CASR: variants seen among roughly 807,000 people sequenced by gnomAD.
CASR encodes the protein calcium sensing receptor, also known as extracellular calcium-sensing receptor.
A neutral mutation model predicts 69.1 loss-of-function variants in CASR; 23 were observed. That is an observed-to-expected ratio of 0.33 (90% CI 0.24 to 0.47). CASR has a LOEUF of 0.47. Among genes scored for constraint, CASR ranks in the 20% least tolerant of loss-of-function variants. CASR has a pLI of 1.00. For synonymous variants in CASR, 541 were observed against 544.7 expected (o/e 0.99, Z 0.10); for missense variants, 924 against 1,356.1 (o/e 0.68, Z 5.00).
In CASR at chr3:122,283,324, C is replaced by T. The variant is rs147223758; in HGVS notation, c.1733-363C>T. On this transcript the variant is annotated intron_variant, in intron 6 of 6. Coordinates refer to ENST00000639785, the MANE Select transcript of CASR (RefSeq NM_000388.4). ...ATCAGGCTAAGCTTGAATCATTCTG[C>T]GAAGAGTTGATGGACCATGCTAGAC... Among the ~76,000 whole-genome samples, 6 of 152,278 alleles carry T rather than the reference C, an allele frequency of 3.9e-5. No individual in the cohort carries two copies. In the East Asian group the frequency reaches 7.7e-4, roughly 20 times the overall value.
chr3:122,273,661 TGA>T (rs1288037317), intron 4 of CASR, among the ~76,000 whole-genome samples: 2 of 152,164 alleles, frequency 1.3e-5, no homozygotes, highest in Non-Finnish European at 1.5e-5. Context: ...ACATTTCATC[TGA>T]GTCATGGTAG....
At chr3:122,279,849 T>C (rs973054624) in intron 5 of CASR, among the ~76,000 whole-genome samples, 1 of 152,166 alleles carries the variant, frequency 6.6e-6, no homozygotes, top group Non-Finnish European at 1.5e-5. Context: ...TGCAGGTTTA[T>C]TACATAGGTA....
At chr3:122,192,312 G>A (rs1001487169) in intron 1 of CASR, among the ~76,000 whole-genome samples, 1 of 152,142 alleles carries the variant, frequency 6.6e-6, no homozygotes, top group Admixed American at 6.5e-5. Context: ...TGTACAAAGG[G>A]GACGATAAGA....
At chr3:122,258,983 C>T (rs2074588416) in intron 3 of CASR, among the ~76,000 whole-genome samples, 2 of 151,994 alleles carry the variant, frequency 1.3e-5, no homozygotes, top group African/African-American at 4.8e-5. Flanking sequence ...CCAGCCACGC[C>T]ACCAAGTGGA....
chr3:122,246,144 A>C (rs991933680), intron 1 of CASR, among the ~76,000 whole-genome samples: 3 of 152,130 alleles, frequency 2.0e-5, no homozygotes, highest in African/African-American at 7.2e-5. Context: ...TCTATCTCTA[A>C]AATTCTGTAT....
intron 4 of CASR, among the ~76,000 whole-genome samples, chr3:122,263,476 T>C (rs1204336478): frequency 6.6e-6 from 1 of 152,228 alleles, no homozygotes; most frequent in Non-Finnish European, 1.5e-5. Flanking sequence ...ATTATTATAG[T>C]AGGATTTCAG....
intron 1 of CASR, among the ~76,000 whole-genome samples, chr3:122,189,125 A>C (rs775471378): frequency 3.3e-5 from 5 of 152,234 alleles, no homozygotes; most frequent in Non-Finnish European, 5.9e-5. Flanking sequence ...AGATGGTCAA[A>C]TATGAAATGA....
At chr3:122,202,083 G>A (rs893115137) in intron 1 of CASR, among the ~76,000 whole-genome samples, 1 of 152,084 alleles carries the variant, frequency 6.6e-6, no homozygotes, top group Non-Finnish European at 1.5e-5. Context: ...GGAGGTGGAG[G>A]TTGTAGCGAG....
intron 5 of CASR, among the ~76,000 whole-genome samples, chr3:122,279,998 G>A (rs1275242067): frequency 2.0e-5 from 3 of 152,050 alleles, no homozygotes; most frequent in African/African-American, 7.3e-5. Flanking sequence ...TCCACCCTGT[G>A]TCCATGTGTT....
In CASR at chr3:122,261,615, GC is replaced by G; in HGVS notation, c.582del (p.Thr195LeufsTer62). On this transcript the variant is annotated frameshift_variant, in exon 4 of 7. Transcript: ENST00000639785. LOFTEE classifies it high-confidence loss of function. ...AACCATCCCCAATGATGAGCACCAG[GC>G]CACTGCCATGGCAGACATCATCGAG... ...LRTIPNDEHQ[A>X]TAMADIIEYF... is the part of the protein sequence containing the mutation. 1 of 1,614,160 alleles carries G rather than the reference GC, an allele frequency of 6.2e-7. No individual in the cohort carries two copies. The highest frequency in any genetic ancestry group is 8.5e-7 in the Non-Finnish European group (1 of 1,180,002).
intron 1 of CASR, among the ~76,000 whole-genome samples, chr3:122,235,714 G>A (rs1282589974): frequency 2.0e-5 from 3 of 152,120 alleles, no homozygotes; most frequent in Admixed American, 6.5e-5. Flanking sequence ...GGAGGATCAC[G>A]AGCCCAGGAG....
chr3:122,240,414 G>C (rs540449190), intron 1 of CASR, among the ~76,000 whole-genome samples: 3 of 152,160 alleles, frequency 2.0e-5, no homozygotes, highest in Non-Finnish European at 4.4e-5. Context: ...ATGATTTCAA[G>C]ACAAAAATTG....
rs557580473 is a variant in CASR at position 122,225,264 on chromosome 3, A to G, written c.-242-28684A>G. Among the ~76,000 whole-genome samples the G allele has an allele frequency of 2.0e-5, 3 of 152,262 alleles. No homozygotes were observed. In the East Asian group the frequency reaches 5.8e-4, roughly 29 times the overall value. On this transcript the variant is annotated intron_variant, in intron 1 of 6. Transcript: ENST00000639785. ...TGCTTTCTGCACAGCAAACAAAACT[A>G]TCAACAGAGTAAACAGACAACCTAC...
At chr3:122,195,302 C>T (rs1576814465) in intron 1 of CASR, among the ~76,000 whole-genome samples, 1 of 152,212 alleles carries the variant, frequency 6.6e-6, no homozygotes, top group Non-Finnish European at 1.5e-5. Context: ...TTCAAAAGTG[C>T]TGGTTGTGTT....
intron 6 of CASR, among the ~76,000 whole-genome samples, chr3:122,282,772 T>A (rs2074907963): frequency 6.6e-6 from 1 of 152,272 alleles, no homozygotes; most frequent in South Asian, 2.1e-4. Flanking sequence ...AGAAGTACTC[T>A]ATAAATATTA....
At chr3:122,210,931 C>A (rs1444027133) in intron 1 of CASR, among the ~76,000 whole-genome samples, 1 of 152,172 alleles carries the variant, frequency 6.6e-6, no homozygotes, top group African/African-American at 2.4e-5. Flanking sequence ...AGAAATAAGA[C>A]TGCACATCTA....
intron 1 of CASR, among the ~76,000 whole-genome samples, chr3:122,210,175 C>T (rs1373925651): frequency 6.6e-6 from 1 of 152,108 alleles, no homozygotes; most frequent in East Asian, 1.9e-4. Flanking sequence ...TGAAAATTGG[C>T]ACAAGACAAG....
Position 122,284,481 on chromosome 3 carries a change from G to C in CASR, c.2527G>C (p.Ala843Pro). ...TGCCGTAGAGGTGATTGCCATCCTG[G>C]CAGCCAGCTTTGGCTTGCTGGCGTG... is the stretch of plus-strand genomic sequence containing the variant. ...VSAVEVIAIL[A>P]ASFGLLACIF... The change falls in exon 7 of 7, where the codon GCA (alanine) becomes CCA (proline). Residue 843 changes from alanine (A) to proline (P), a missense_variant. By Grantham distance (27) the Ala-to-Pro change is conservative. Transcript: ENST00000639785. 6.2e-7 allele frequency: 1 copy of C among 1,613,418 alleles called. No individual in the cohort carries two copies. Among genetic ancestry groups the C allele is most frequent in the Non-Finnish European group, 8.5e-7 (1 of 1,180,026 alleles).
chr3:122,235,499 G>T (rs115713374), intron 1 of CASR, among the ~76,000 whole-genome samples: 2,032 of 152,324 alleles, frequency 0.013, 47 homozygotes, highest in African/African-American at 0.045. Context: ...CAGGGAAACC[G>T]AAGAATGAAT....
Sources: allele counts gnomAD v4.1 joint callset (sites outside exome capture counted in the v4.1 genomes callset), GRCh38; gene constraint gnomAD v4.1.1; transcripts MANE v1.5; gene names NCBI Gene and HGNC (gene_info 2026-07-23, HGNC 2026-07-21).